The following MYO5A variants were observed in gnomAD, a reference collection of about 807,000 sequenced individuals.
MYO5A encodes the protein unconventional myosin-Va.
MYO5A carries 98 observed loss-of-function variants against 249.7 expected under a neutral mutation model. The ratio of observed to expected loss-of-function variants is 0.39; its 90% confidence interval spans 0.33 to 0.46. MYO5A has a LOEUF of 0.46. Among genes scored for constraint, MYO5A ranks in the 20% least tolerant of loss-of-function variants. MYO5A has a pLI of 0.98. For missense variants in MYO5A, 1,696 were observed against 2,308.8 expected (o/e 0.73, Z 5.44); for synonymous variants, 778 against 810.6 (o/e 0.96, Z 0.68).
At chr15:52,373,297 T>C (rs780573144) in intron 20 of MYO5A, among the ~76,000 whole-genome samples, 40 of 152,068 alleles carry the variant, frequency 2.6e-4, no homozygotes, top group Non-Finnish European at 5.1e-4. Context: ...GGAGAAGAAA[T>C]TCTTGAATTT....
intron 1 of MYO5A, among the ~76,000 whole-genome samples, chr15:52,456,843 G>A (rs138619945): frequency 1.5e-3 from 233 of 152,254 alleles, no homozygotes; most frequent in African/African-American, 5.2e-3. Context: ...AGGCTTAAAT[G>A]TAAGATCTGA....
At chr15:52,418,599 A>C (rs992463664) in intron 4 of MYO5A, among the ~76,000 whole-genome samples, 9 of 152,170 alleles carry the variant, frequency 5.9e-5, no homozygotes, top group Non-Finnish European at 8.8e-5. Context: ...AGAGGGTAAT[A>C]CCAGAATTGA....
intron 1 of MYO5A, among the ~76,000 whole-genome samples, chr15:52,521,120 C>T (rs1356178937): frequency 2.0e-5 from 3 of 151,266 alleles, no homozygotes; most frequent in South Asian, 2.1e-4. Context: ...CCCAGCTACT[C>T]GGGAGGCTGA....
At chr15:52,374,805 T>C (rs2141102363) in intron 20 of MYO5A, among the ~76,000 whole-genome samples, 1 of 152,356 alleles carries the variant, frequency 6.6e-6, no homozygotes, top group South Asian at 2.1e-4. Flanking sequence ...TCCAGAACTC[T>C]GAGAGAATTA....
chr15:52,330,292 T>A, intron 35 of MYO5A, 61 bp downstream of exon 35: 3 of 1,608,152 alleles, frequency 1.9e-6, no homozygotes, highest in Middle Eastern at 1.7e-4. Flanking sequence ...TAGTGACTAG[T>A]TTTTCCCACC....
intron 4 of MYO5A, among the ~76,000 whole-genome samples, chr15:52,420,427 TG>T (rs1434423500): frequency 2.0e-5 from 3 of 152,180 alleles, no homozygotes; most frequent in East Asian, 3.9e-4. Flanking sequence ...AGAATGAGCT[TG>T]GCCCCCTTCC....
chr15:52,478,009 G>T (rs148407069), intron 1 of MYO5A, among the ~76,000 whole-genome samples: 78 of 152,368 alleles, frequency 5.1e-4, no homozygotes, highest in African/African-American at 1.8e-3. Context: ...TGCCCCCAGA[G>T]GTGGAGTCTA....
At chr15:52,386,877 G>T (rs1212616314) in intron 14 of MYO5A, among the ~76,000 whole-genome samples, 1 of 152,120 alleles carries the variant, frequency 6.6e-6, no homozygotes, top group Non-Finnish European at 1.5e-5. Context: ...TTAAAACTGG[G>T]ATTTGGTCTT....
chr15:52,475,234 T>A (rs1595752509), intron 1 of MYO5A, among the ~76,000 whole-genome samples: 1 of 152,210 alleles, frequency 6.6e-6, no homozygotes, highest in African/African-American at 2.4e-5. Context: ...AGTGGTGATA[T>A]CCCCTTTATC....
intron 9 of MYO5A, among the ~76,000 whole-genome samples, chr15:52,401,879 T>C (rs2042774675): frequency 6.6e-6 from 1 of 152,242 alleles, no homozygotes; most frequent in Non-Finnish European, 1.5e-5. Flanking sequence ...TTGGACAATT[T>C]CTTCACATCT....
intron 36 of MYO5A, among the ~76,000 whole-genome samples, chr15:52,325,455 G>C (rs2038555630): frequency 6.7e-6 from 1 of 149,290 alleles, no homozygotes; most frequent in African/African-American, 2.5e-5. Flanking sequence ...AGGCTGGAGT[G>C]CAGTGGCGTG....
At chr15:52,451,814 C>T (rs755153758) in intron 1 of MYO5A, among the ~76,000 whole-genome samples, 4 of 152,184 alleles carry the variant, frequency 2.6e-5, no homozygotes, top group African/African-American at 7.2e-5. Context: ...CCTTCCCTGA[C>T]GTGTCTATCT....
intron 1 of MYO5A, among the ~76,000 whole-genome samples, chr15:52,495,745 A>G (rs1001876944): frequency 4.6e-5 from 7 of 152,232 alleles, no homozygotes; most frequent in African/African-American, 1.7e-4. Context: ...TCAAAAGAGA[A>G]GGCATAAAGT....
At chr15:52,324,198 G>T (rs889534558) in intron 36 of MYO5A, among the ~76,000 whole-genome samples, 12 of 152,000 alleles carry the variant, frequency 7.9e-5, no homozygotes, top group African/African-American at 2.9e-4. Context: ...CTTGTTAAGG[G>T]TAAGATAAAA....
chr15:52,419,460 C>T (rs1051377600), intron 4 of MYO5A, among the ~76,000 whole-genome samples: 1 of 152,148 alleles, frequency 6.6e-6, no homozygotes, highest in African/African-American at 2.4e-5. Context: ...AATCAAGCTG[C>T]TCTGCTCTCT....
At chr15:52,390,726 A>AT (rs1322139193) in intron 12 of MYO5A, among the ~76,000 whole-genome samples, 1 of 151,748 alleles carries the variant, frequency 6.6e-6, no homozygotes, top group Non-Finnish European at 1.5e-5. Flanking sequence ...TGCCCAGCTA[A>AT]TTTTTTGTAT....
chr15:52,366,651 AGAC>A (rs1329164899), intron 23 of MYO5A, among the ~76,000 whole-genome samples: 1 of 134,890 alleles, frequency 7.4e-6, no homozygotes, highest in Non-Finnish European at 1.6e-5. Context: ...AAAAAAAAAA[AGAC>A]AATACACACA....
At chr15:52,516,536 C>T (rs767683652) in intron 1 of MYO5A, among the ~76,000 whole-genome samples, 5 of 152,232 alleles carry the variant, frequency 3.3e-5, no homozygotes, top group Non-Finnish European at 7.3e-5. Context: ...TCAACCCTTG[C>T]CCAGGTCTGT....
intron 20 of MYO5A, among the ~76,000 whole-genome samples, chr15:52,372,831 C>A (rs1446406981): frequency 6.6e-6 from 1 of 152,190 alleles, no homozygotes; most frequent in Non-Finnish European, 1.5e-5. Flanking sequence ...ATCCCCACCA[C>A]CCTGACTGCT....
Sources: allele counts gnomAD v4.1 joint callset (sites outside exome capture counted in the v4.1 genomes callset), GRCh38; gene constraint gnomAD v4.1.1; transcripts MANE v1.5; gene names NCBI Gene and HGNC (gene_info 2026-07-23, HGNC 2026-07-21).